The following SI variants were observed in gnomAD, a reference collection of about 807,000 sequenced individuals.
SI encodes sucrase-isomaltase, also known as sucrase-isomaltase, intestinal.
In SI, 235 loss-of-function variants were observed where a neutral mutation model predicts 253.3. That is an observed-to-expected ratio of 0.93 (90% CI 0.83 to 1.03). The LOEUF is 1.03. SI is among the 50% of genes least tolerant of loss of function. SI has a pLI of 0.00. For missense variants in SI, 2,442 were observed against 2,211.1 expected (o/e 1.10, Z -2.09); for synonymous variants, 819 against 712.0 (o/e 1.15, Z -2.39).
chr3:165,046,484 G>A (rs1713123464), intron 16 of SI, among the ~76,000 whole-genome samples: 1 of 151,804 alleles, frequency 6.6e-6, no homozygotes, highest in South Asian at 2.1e-4. Flanking sequence ...AATATTTTAA[G>A]TAGACTTAGA....
At chr3:165,028,640 T>G (rs902786450) in intron 25 of SI, among the ~76,000 whole-genome samples, 3 of 150,864 alleles carry the variant, frequency 2.0e-5, no homozygotes, top group African/African-American at 7.3e-5. Context: ...ACCCTGATAC[T>G]TAGAGCCACC....
intron 1 of SI, among the ~76,000 whole-genome samples, chr3:165,076,925 A>G (rs1576930298): frequency 6.6e-6 from 1 of 150,720 alleles, no homozygotes; most frequent in Non-Finnish European, 1.5e-5. Flanking sequence ...AGTAGAACTT[A>G]GAATTACTAC....
rs201739571 is a variant in SI at position 165,019,654 on chromosome 3, C to T, written c.3371G>A (p.Arg1124Gln). 249 of 1,612,446 alleles carry T rather than the reference C, an allele frequency of 1.5e-4. No homozygotes were observed. Among genetic ancestry groups the T allele is most frequent in the Non-Finnish European group, 2.0e-4 (236 of 1,179,096 alleles). ...FGEVEHTAFK[R>Q]DLNWNTWGMF... is the part of the protein sequence containing the mutation. ...TCCCCAAGTATTCCAGTTCAGATCTCGCTTAAATGCTGTATGTTCCACTTC... is the reference window on the plus strand; with the variant it reads ...TCCCCAAGTATTCCAGTTCAGATCTTGCTTAAATGCTGTATGTTCCACTTC... Residue 1124 changes from arginine to glutamine, a missense_variant, in exon 28 of 48, where the codon CGA (arginine) becomes CAA (glutamine). By Grantham distance (43) the Arg-to-Gln change is conservative (BLOSUM62 1). Coordinates refer to ENST00000264382, the MANE Select transcript of SI (RefSeq NM_001041.4).
Position 165,076,113 on chromosome 3 carries a change from A to G in SI, c.1-101T>C, listed in dbSNP as rs886530718. On this transcript the variant is annotated intron_variant, in intron 1 of 47. Coordinates refer to ENST00000264382, the MANE Select transcript of SI (RefSeq NM_001041.4). The stretch of plus-strand genomic sequence containing the variant: ...TTACATATTCTTTTTTTTACTATGT[A>G]TAATGCAGAGTTGAAGACAGCACTT... 2.0e-5 allele frequency: 18 copies of G among 890,876 alleles called. No homozygotes were observed. In the African/African-American group the frequency reaches 2.5e-4, roughly 13 times the overall value. The allele number at this position is 890,876 out of a possible 1,614,324, so 55.2% of individuals were successfully genotyped here. A position where few individuals can be genotyped will look rare whatever the true frequency, so the allele number is the denominator to read the frequency against.
At chr3:165,010,802 T>A (rs1718731805) in intron 34 of SI, among the ~76,000 whole-genome samples, 1 of 152,204 alleles carries the variant, frequency 6.6e-6, no homozygotes, top group Admixed American at 6.5e-5. Flanking sequence ...CAGGGAATTC[T>A]GCATAAGCCA....
intron 13 of SI, among the ~76,000 whole-genome samples, chr3:165,051,473 T>G (rs1161561595): frequency 6.6e-6 from 1 of 152,076 alleles, no homozygotes; most frequent in African/African-American, 2.4e-5. Context: ...TATTCAATTT[T>G]GTTTCCTGTG....
At chr3:165,040,503 C>A (rs1053558101) in intron 18 of SI, among the ~76,000 whole-genome samples, 6 of 151,904 alleles carry the variant, frequency 3.9e-5, no homozygotes, top group Non-Finnish European at 7.4e-5. Context: ...CTAGTTTTTA[C>A]CTGAATTTAA....
the SI span, among the ~76,000 whole-genome samples, chr3:165,085,102 A>T: frequency 6.6e-6 from 1 of 152,084 alleles, no homozygotes; most frequent in African/African-American, 2.4e-5. Flanking sequence ...AACTTCATAG[A>T]CCTGGGTGTT....
intron 44 of SI, among the ~76,000 whole-genome samples, chr3:164,989,215 G>A (rs982162750): frequency 4.0e-5 from 6 of 151,176 alleles, no homozygotes; most frequent in African/African-American, 1.5e-4. Context: ...GCGTCTGGCA[G>A]GCACCTGTAA....
chr3:165,015,805 A>G lies in SI; in HGVS notation c.3888+147T>C, dbSNP rs1718994024. ...GATCACAACCCATGCAAATAAAATG[A>G]AGTGCTAAAGGAAGAGAGTTTTAGA... On this transcript the variant is annotated intron_variant, in intron 32 of 47. Coordinates refer to ENST00000264382, the MANE Select transcript of SI (RefSeq NM_001041.4). 3 of 738,420 alleles carry G rather than the reference A, an allele frequency of 4.1e-6. No homozygotes were observed. The East Asian group carries it at 7.5e-5, about 18-fold the overall frequency. 45.7% of individuals were successfully genotyped at this position (738,420 alleles called of 1,614,324 possible).
chr3:165,033,469 GTA>G (rs767943357), intron 22 of SI, 25 bp from the exon 23 acceptor site: 1 of 1,496,658 alleles, frequency 6.7e-7, no homozygotes, highest in South Asian at 1.4e-5. Flanking sequence ...ATCGTGATCA[GTA>G]CAAAATGCAA....
Position 165,059,148 on chromosome 3 carries a change from A to G in SI, c.1278+20T>C, listed in dbSNP as rs1713858036. ...CACGTGTAAACACTAAAAATGTATT[A>G]AGGTATAATTGATTATTACCAAGAT... is the stretch of plus-strand genomic sequence containing the variant. On this transcript the variant is annotated intron_variant, in intron 11 of 47. Transcript: ENST00000264382. 6.2e-7 allele frequency: 1 copy of G among 1,611,940 alleles called. No individual in the cohort carries two copies. The highest frequency in any genetic ancestry group is 8.5e-7 in the Non-Finnish European group (1 of 1,178,794).
rs1712691643 is a variant in SI, at chr3:165,039,207, G to A, written c.2245-73C>T. 1.2e-5 allele frequency: 13 copies of A among 1,040,716 alleles called. 1 individual carries two copies. The South Asian group carries it at 1.5e-4, about 12-fold the overall frequency. The allele number at this position is 1,040,716 out of a possible 1,614,324, so 64.5% of individuals were successfully genotyped here. On this transcript the variant is annotated intron_variant, in intron 19 of 47. Coordinates refer to ENST00000264382, the MANE Select transcript of SI (RefSeq NM_001041.4). The stretch of plus-strand genomic sequence containing the variant: ...AGGATCTTATCAAATATTAAGTTGG[G>A]TTTTCATAGTCAAGGGAAAAAAACT...
rs150151075 is a variant in SI, at chr3:165,006,947, T to A, written c.4275A>T (p.Thr1425=). The A allele has an allele frequency of 6.2e-7, 1 of 1,607,768 alleles. No homozygotes were observed. The highest frequency in any genetic ancestry group is 8.5e-7 in the Non-Finnish European group (1 of 1,175,176). ...TGAAATGTAATCCATCAGTTCTTTT[T>A]GTGAGTTCTGGAAAGAATCAATGAA... ...LNYPPYFPEL[T]KRTDGLHFRT... The change falls in exon 37 of 48, where the codon ACA becomes ACT. Residue 1425 remains threonine (T), a synonymous_variant. Coordinates refer to ENST00000264382, the MANE Select transcript of SI (RefSeq NM_001041.4).
At chr3:165,047,159 A>G (rs1314136678) in intron 15 of SI, 147 bp from the exon 16 acceptor site, 9 of 648,222 alleles carry the variant, frequency 1.4e-5, no homozygotes, top group East Asian at 2.8e-5. Flanking sequence ...AACTTCCACA[A>G]TTCCCAGATG....
At chr3:164,991,207 G>A in intron 44 of SI, 146 bp downstream of exon 44, 1 of 842,942 alleles carries the variant, frequency 1.2e-6, no homozygotes. Flanking sequence ...AAACACTTTT[G>A]TCTCTGACCT....
intron 18 of SI, among the ~76,000 whole-genome samples, chr3:165,040,323 A>AAGG (rs1372174044): frequency 6.8e-6 from 1 of 145,996 alleles, no homozygotes; most frequent in Non-Finnish European, 1.5e-5. Context: ...GAAAAGAGAG[A>AAGG]AGGAGAAAGT....
chr3:165,020,824 G>C (rs1303388937), intron 27 of SI, among the ~76,000 whole-genome samples: 1 of 151,620 alleles, frequency 6.6e-6, no homozygotes, highest in Non-Finnish European at 1.5e-5. Context: ...ATACCTGGCA[G>C]ATAAATTATT....
intron 44 of SI, among the ~76,000 whole-genome samples, chr3:164,987,684 G>T (rs1187290043): frequency 6.6e-6 from 1 of 151,900 alleles, no homozygotes; most frequent in Non-Finnish European, 1.5e-5. Context: ...ACTCCAGCCT[G>T]GTGACAGAGC....
Sources: allele counts gnomAD v4.1 joint callset (sites outside exome capture counted in the v4.1 genomes callset), GRCh38; gene constraint gnomAD v4.1.1; transcripts MANE v1.5; gene names NCBI Gene and HGNC (gene_info 2026-07-23, HGNC 2026-07-21).